The following KIAA2012 variants were observed in gnomAD, a reference collection of about 807,000 sequenced individuals.
The protein encoded by KIAA2012 is uncharacterized protein KIAA2012.
KIAA2012 carries 125 observed loss-of-function variants against 150.6 expected under a neutral mutation model. That is an observed-to-expected ratio of 0.83 (90% CI 0.72 to 0.96). The LOEUF is 0.96. Among genes scored for constraint, KIAA2012 ranks in the 40% least tolerant of loss-of-function variants. KIAA2012 has a pLI of 0.00. For missense variants in KIAA2012, 1,219 were observed against 1,354.9 expected, an observed-to-expected ratio of 0.90 and a Z score of 1.57; for synonymous variants, 462 against 504.7, an observed-to-expected ratio of 0.92 and a Z score of 1.13.
intron 12 of KIAA2012, among the ~76,000 whole-genome samples, chr2:202,131,781 G>A (rs1259432335): frequency 1.3e-5 from 2 of 152,158 alleles, no homozygotes; most frequent in African/African-American, 2.4e-5. Context: ...AGAAACTGAA[G>A]CAACTTGTAA....
chr2:202,125,935 C>CTTTTTTTTTTTTTTTTTTTTTT lies in KIAA2012; in HGVS notation c.1831+668_1831+689dup, dbSNP rs571686717. On this transcript the variant is annotated intron_variant, in intron 12 of 23. Coordinates refer to ENST00000498697, the MANE Select transcript of KIAA2012 (RefSeq NM_001277372.4). Reference sequence around the variant, plus strand: ...GAAATGTGAGTGGTGTTCCTGGCTGCTTTTTTTTTTTTTTTTTTTTTTTTT... The same window carrying CTTTTTTTTTTTTTTTTTTTTTT: ...GAAATGTGAGTGGTGTTCCTGGCTGCTTTTTTTTTTTTTTTTTTTTTTTTTTTTTTTTTTTTTTTTTTTTTTT... The CTTTTTTTTTTTTTTTTTTTTTT allele has an allele frequency of 3.2e-5, 4 of 126,960 alleles. 2 individuals are homozygous for CTTTTTTTTTTTTTTTTTTTTTT. The allele number at this position is 126,960 out of a possible 1,614,324, so 7.9% of individuals were successfully genotyped here.
chr2:202,192,276 T>C (rs1692337086), intron 19 of KIAA2012, among the ~76,000 whole-genome samples: 1 of 152,138 alleles, frequency 6.6e-6, no homozygotes, highest in African/African-American at 2.4e-5. Flanking sequence ...AAGGCTTGCC[T>C]CTCAAGGTTC....
intron 23 of KIAA2012, among the ~76,000 whole-genome samples, chr2:202,202,881 G>A (rs183934429): frequency 1.3e-5 from 2 of 151,802 alleles, no homozygotes; most frequent in East Asian, 1.9e-4. Context: ...GAGCTATGAC[G>A]GTGCCACTGT....
In KIAA2012 at chr2:202,075,077, G is replaced by A. The variant is rs1245691650; in HGVS notation, c.271G>A (p.Gly91Ser). ...ATGGACACCCAAAGAGAGGAGAAAA[G>A]GCCCCTACTGCCCCAGAGGTCCCTG... The part of the protein sequence containing the change: ...SAWTPKERRK[G>S]PYCPRGPWRK... The change falls in exon 2 of 24, where the codon GGC becomes AGC. Residue 91 changes from glycine to serine, a missense_variant. By Grantham distance (56) the Gly-to-Ser change is moderately conservative. Coordinates refer to ENST00000498697, the MANE Select transcript of KIAA2012 (RefSeq NM_001277372.4). 6.4e-7 allele frequency: 1 copy of A among 1,550,402 alleles called. No individual in the cohort carries two copies. The highest frequency in any genetic ancestry group is 8.7e-7 in the Non-Finnish European group (1 of 1,147,008).
Position 202,188,112 on chromosome 2 carries a change from A to G in KIAA2012, c.2377-40A>G, listed in dbSNP as rs374833479. ...TCTTTGATGGATTTTTTCATTTCCT[A>G]TACATATTATGGTCCCCTTCCTTGA... On this transcript the variant is annotated intron_variant, in intron 17 of 23. Coordinates refer to ENST00000498697, the MANE Select transcript of KIAA2012 (RefSeq NM_001277372.4). 5.8e-5 allele frequency: 85 copies of G among 1,470,758 alleles called. 6 individuals carry two copies. The highest frequency in any genetic ancestry group is 4.0e-4 in the African/African-American group (28 of 70,608). The allele number at this position is 1,470,758 out of a possible 1,614,324, so 91.1% of individuals were successfully genotyped here. A position where few individuals can be genotyped will look rare whatever the true frequency, so the allele number is the denominator to read the frequency against.
intron 8 of KIAA2012, among the ~76,000 whole-genome samples, chr2:202,103,509 G>A (rs1690106249): frequency 6.6e-6 from 1 of 152,030 alleles, no homozygotes; most frequent in Non-Finnish European, 1.5e-5. Context: ...AAAAGGAGTA[G>A]AGAAATAGAT....
Position 202,193,379 on chromosome 2 carries a change from G to A in KIAA2012, c.2890G>A (p.Glu964Lys), listed in dbSNP as rs1401863934. 1 of 1,550,366 alleles carries A rather than the reference G, an allele frequency of 6.5e-7. No homozygotes were observed. The highest frequency in any genetic ancestry group is 2.4e-5 in the East Asian group (1 of 40,916). ...RAERAEMRWL[E>K]VEKKRREQEE... is the part of the protein sequence containing the mutation. ...AGAAAGAGCCGAGATGAGGTGGCTG[G>A]AGGTGGAGAAGAAGAGAAGGGAGCA... The change falls in exon 20 of 24, where the codon GAG becomes AAG. Residue 964 changes from glutamate to lysine, a missense_variant. By Grantham distance (56) the Glu-to-Lys change is moderately conservative (BLOSUM62 1). Transcript: ENST00000498697.
At chr2:202,092,703 A>G (rs1689755632) in intron 3 of KIAA2012, among the ~76,000 whole-genome samples, 1 of 152,042 alleles carries the variant, frequency 6.6e-6, no homozygotes, top group East Asian at 1.9e-4. Flanking sequence ...TACATCCACT[A>G]CCACTGGATC....
At chr2:202,170,257 G>A (rs979204705) in intron 15 of KIAA2012, among the ~76,000 whole-genome samples, 1 of 152,206 alleles carries the variant, frequency 6.6e-6, no homozygotes, top group Non-Finnish European at 1.5e-5. Context: ...CATGGCATGA[G>A]GACTCCATAA....
At chr2:202,184,359 G>A (rs1173561706) in intron 15 of KIAA2012, among the ~76,000 whole-genome samples, 4 of 149,012 alleles carry the variant, frequency 2.7e-5, no homozygotes, top group Non-Finnish European at 5.9e-5. Context: ...ACTCCAGCCT[G>A]GTCAACAGAG....
chr2:202,092,029 T>C (rs774183943), intron 3 of KIAA2012, among the ~76,000 whole-genome samples: 9 of 152,320 alleles, frequency 5.9e-5, no homozygotes, highest in Middle Eastern at 6.8e-3. Flanking sequence ...GAAGTGTTTC[T>C]CATTGAGTGG....
chr2:202,102,947 C>A lies in KIAA2012; in HGVS notation c.1157C>A (p.Ala386Glu), dbSNP rs1690086244. The change falls in exon 8 of 24, where the codon GCA becomes GAA. Residue 386 changes from alanine to glutamate, a missense_variant and splice_region_variant. Transcript: ENST00000498697. Reference protein sequence around the residue: ...ITPGEVKKKKAPKALKLPPIS... With the variant: ...ITPGEVKKKKEPKALKLPPIS... The stretch of plus-strand genomic sequence containing the variant: ...GTTTTGTTTTTAAATTTTCTCCAGG[C>A]ACCAAAGGCTTTGAAATTACCTCCT... 1 of 1,549,088 alleles carries A rather than the reference C, an allele frequency of 6.5e-7. No homozygotes were observed.
intron 15 of KIAA2012, among the ~76,000 whole-genome samples, chr2:202,170,695 A>T (rs1691868612): frequency 6.6e-6 from 1 of 152,198 alleles, no homozygotes; most frequent in Non-Finnish European, 1.5e-5. Flanking sequence ...TCTGATCCAG[A>T]TAGAGAGAAA....
intron 11 of KIAA2012, among the ~76,000 whole-genome samples, chr2:202,121,169 A>G (rs1437326660): frequency 6.6e-6 from 1 of 152,224 alleles, no homozygotes; most frequent in African/African-American, 2.4e-5. Flanking sequence ...ATGATGGAGT[A>G]CTAAGATATT....
chr2:202,082,706 T>A (rs1010442732), intron 2 of KIAA2012, among the ~76,000 whole-genome samples: 1 of 152,170 alleles, frequency 6.6e-6, no homozygotes, highest in African/African-American at 2.4e-5. Flanking sequence ...CCAAACTCAA[T>A]GCCATGAAGC....
intron 12 of KIAA2012, chr2:202,138,138 G>T: frequency 4.9e-6 from 1 of 205,962 alleles, no homozygotes; most frequent in Non-Finnish European, 9.7e-6. Flanking sequence ...AGCTTTATCT[G>T]AATTTTAATA....
chr2:202,186,827 G>A (rs954034766), intron 16 of KIAA2012, 106 bp from the exon 17 acceptor site: 7 of 1,068,408 alleles, frequency 6.6e-6, no homozygotes, highest in Non-Finnish European at 7.9e-6. Flanking sequence ...CAAATGTCAG[G>A]CACAGTGCCT....
At chr2:202,191,961 C>T (rs955230635) in intron 19 of KIAA2012, among the ~76,000 whole-genome samples, 6 of 152,184 alleles carry the variant, frequency 3.9e-5, no homozygotes, top group Non-Finnish European at 8.8e-5. Context: ...CCTTTGACTC[C>T]AACTTCAGGA....
chr2:202,118,182 G>C (rs16838857), intron 11 of KIAA2012, among the ~76,000 whole-genome samples: 1,884 of 152,212 alleles, frequency 0.012, 25 homozygotes, highest in Middle Eastern at 0.031. Context: ...CAGGAAGATA[G>C]GAGCCCCACG....
Sources: gnomAD v4.1 joint callset for allele counts (sites outside exome capture counted in the v4.1 genomes callset) on GRCh38, gnomAD v4.1.1 for gene constraint, MANE v1.5 for transcripts, NCBI Gene and HGNC (gene_info 2026-07-23, HGNC 2026-07-21) for gene names.